The following CHMP3 variants were observed in gnomAD, a reference collection of about 807,000 sequenced individuals.
CHMP3 encodes charged multivesicular body protein 3, also known as 25.1 protein.
Under a neutral mutation model 27.4 loss-of-function variants are expected in CHMP3, and 8 were observed. The observed-to-expected ratio is 0.29, with a 90% CI of 0.17 to 0.53. CHMP3 has a LOEUF of 0.53. CHMP3 is among the 20% of genes least tolerant of loss of function. CHMP3 has a pLI of 0.96. For missense variants in CHMP3, 208 were observed against 271.5 expected, an observed-to-expected ratio of 0.77 and a Z score of 1.64; for synonymous variants, 86 against 85.5, an observed-to-expected ratio of 1.01 and a Z score of -0.03.
At chr2:86,537,350 G>T (rs183261285) in intron 2 of CHMP3, among the ~76,000 whole-genome samples, 1 of 152,010 alleles carries the variant, frequency 6.6e-6, no homozygotes, top group African/African-American at 2.4e-5. Context: ...GCTTTCCATC[G>T]ATTATTTCCA....
intron 4 of CHMP3, 85 bp downstream of exon 4, chr2:86,510,273 C>CCCCCCCCCCCAAACCAA: frequency 7.7e-7 from 1 of 1,306,792 alleles, no homozygotes; most frequent in Non-Finnish European, 1.1e-6. Flanking sequence ...TGTTCATCCC[C>CCCCCCCCCCCAAACCAA]ACCCACCCTC....
intron 1 of CHMP3, 43 bp from the exon 2 acceptor site, chr2:86,542,355 C>G: frequency 6.4e-7 from 1 of 1,559,200 alleles, no homozygotes; most frequent in African/African-American, 1.4e-5. Context: ...AAAGCCGAAA[C>G]TCCTAACTCA....
At chr2:86,510,274 ACCCACCC>A in intron 4 of CHMP3, 77 bp downstream of exon 4, 1 of 664,016 alleles carries the variant, frequency 1.5e-6, no homozygotes, top group East Asian at 4.8e-5. Context: ...GTTCATCCCC[ACCCACCC>A]TCATCCCTAG....
chr2:86,560,490 A>G (rs1573314533), intron 1 of CHMP3, among the ~76,000 whole-genome samples: 1 of 151,956 alleles, frequency 6.6e-6, no homozygotes, highest in Admixed American at 6.6e-5. Context: ...GTTCTCACTC[A>G]TAAGTGGGAA....
Position 86,558,861 on chromosome 2 carries a change from C to T in CHMP3, c.45+4443G>A, listed in dbSNP as rs147029003. Reference sequence around the variant, plus strand: ...TTGGCCTCTTAAGTATTTTCTTTCTCCCTTAAAAGAAAAAAAAAAAAAAAG... The same window carrying T: ...TTGGCCTCTTAAGTATTTTCTTTCTTCCTTAAAAGAAAAAAAAAAAAAAAG... On this transcript the variant is annotated intron_variant, in intron 1 of 5. Transcript: ENST00000263856. Among the ~76,000 whole-genome samples, 1,046 of 145,054 alleles carry T rather than the reference C, an allele frequency of 7.2e-3. 10 individuals carry two copies. Among genetic ancestry groups the T allele is most frequent in the African/African-American group, 0.026 (948 of 36,458 alleles).
chr2:86,528,550 T>C (rs182900197), intron 3 of CHMP3, among the ~76,000 whole-genome samples: 102 of 152,296 alleles, frequency 6.7e-4, no homozygotes, highest in African/African-American at 2.4e-3. Flanking sequence ...TGACAGTCAC[T>C]TGCTGCCATT....
At chr2:86,534,071 G>A (rs919299128) in intron 2 of CHMP3, among the ~76,000 whole-genome samples, 3 of 151,964 alleles carry the variant, frequency 2.0e-5, no homozygotes, top group African/African-American at 7.3e-5. Context: ...AAATTTGACT[G>A]AGACTTGATT....
chr2:86,544,696 G>C lies in CHMP3; in HGVS notation c.46-2384C>G, dbSNP rs184344629. On this transcript the variant is annotated intron_variant, in intron 1 of 5. Transcript: ENST00000263856. ...AGATTAACAGCATCCCAAGGCAGAAGAATTTTTCTTAGTACAGAACAAAAT... is the reference window on the plus strand; with the variant it reads ...AGATTAACAGCATCCCAAGGCAGAACAATTTTTCTTAGTACAGAACAAAAT... Among the ~76,000 whole-genome samples the C allele has an allele frequency of 1.3e-3, 199 of 152,310 alleles. 2 individuals carry two copies. The highest frequency in any genetic ancestry group is 4.6e-3 in the African/African-American group (192 of 41,572).
intron 1 of CHMP3, among the ~76,000 whole-genome samples, chr2:86,562,524 A>T (rs951744436): frequency 6.6e-5 from 10 of 152,160 alleles, no homozygotes; most frequent in Admixed American, 3.3e-4. Context: ...ACATCCCTGA[A>T]TCTTCAATTA....
At chr2:86,511,497 A>T (rs563101902) in intron 3 of CHMP3, 4 of 152,042 alleles carry the variant, frequency 2.6e-5, no homozygotes, top group African/African-American at 9.7e-5. Flanking sequence ...AATAAATTAC[A>T]TATGCCATTA....
intron 3 of CHMP3, among the ~76,000 whole-genome samples, chr2:86,527,960 C>CA (rs1189018675): frequency 1.3e-5 from 2 of 151,400 alleles, no homozygotes; most frequent in African/African-American, 4.9e-5. Context: ...GACTCTATCT[C>CA]AAAAAAACAA....
At chr2:86,556,886 C>T (rs546272464) in intron 1 of CHMP3, among the ~76,000 whole-genome samples, 25 of 152,254 alleles carry the variant, frequency 1.6e-4, no homozygotes, top group African/African-American at 5.3e-4. Context: ...CCAGGATCTG[C>T]GGGTCGGACC....
intron 4 of CHMP3, 98 bp downstream of exon 4, chr2:86,510,260 G>GA: frequency 6.6e-7 from 1 of 1,518,914 alleles, no homozygotes; most frequent in East Asian, 2.4e-5. Context: ...AGCAGGTGTA[G>GA]TCTGTTCATC....
chr2:86,520,890 G>A (rs145740698), intron 3 of CHMP3, among the ~76,000 whole-genome samples: 221 of 152,222 alleles, frequency 1.5e-3, no homozygotes, highest in Non-Finnish European at 2.1e-3. Flanking sequence ...CCTGTGACTT[G>A]CACGTATACA....
intron 3 of CHMP3, among the ~76,000 whole-genome samples, chr2:86,517,145 A>T (rs1201768264): frequency 6.6e-6 from 1 of 152,254 alleles, no homozygotes; most frequent in Non-Finnish European, 1.5e-5. Flanking sequence ...ATATAAAAAT[A>T]AAGTAACATT....
chr2:86,512,452 T>C (rs545840192), intron 3 of CHMP3: 3 of 152,362 alleles, frequency 2.0e-5, no homozygotes, highest in East Asian at 1.9e-4. Flanking sequence ...TATTCTGCTA[T>C]AGCAGCACAA....
In CHMP3 at chr2:86,530,923, T is replaced by C. The variant is rs180763571; in HGVS notation, c.107-1526A>G. Among the ~76,000 whole-genome samples, 146 of 152,348 alleles carry C rather than the reference T, an allele frequency of 9.6e-4. 1 individual carries two copies. The highest frequency in any genetic ancestry group is 3.4e-3 in the Middle Eastern group (1 of 294). On this transcript the variant is annotated intron_variant, in intron 2 of 5. Transcript: ENST00000263856. ...TGATTTGCATTTCCCTAATAATTAG[T>C]GATGTTAAACATCTTTTCATGTACT...
chr2:86,554,812 C>CGT (rs771711385), intron 1 of CHMP3, among the ~76,000 whole-genome samples: 5 of 77,890 alleles, frequency 6.4e-5, no homozygotes, highest in African/African-American at 1.0e-4. Context: ...AATGTGTGTG[C>CGT]GCGCGTGTGT....
At chr2:86,542,111 A>C in intron 2 of CHMP3, 141 bp downstream of exon 2, 1 of 864,166 alleles carries the variant, frequency 1.2e-6, no homozygotes, top group Non-Finnish European at 1.7e-6. Context: ...AGAATTAAAA[A>C]GCAAAATCAG....
Sources: gnomAD v4.1 joint callset for allele counts (sites outside exome capture counted in the v4.1 genomes callset) on GRCh38, gnomAD v4.1.1 for gene constraint, MANE v1.5 for transcripts, NCBI Gene and HGNC (gene_info 2026-07-23, HGNC 2026-07-21) for gene names.